Variants in AKAP6 observed in about 807,000 individuals in gnomAD.
AKAP6 encodes the protein A-kinase anchor protein 6.
Under a neutral mutation model 188.5 loss-of-function variants are expected in AKAP6, and 58 were observed. That is an observed-to-expected ratio of 0.31 (90% CI 0.25 to 0.38). AKAP6 has a LOEUF of 0.38. Among genes scored for constraint, AKAP6 ranks in the 10% least tolerant of loss-of-function variants. AKAP6 has a pLI of 1.00. For synonymous variants in AKAP6, 989 were observed against 998.6 expected (o/e 0.99, Z 0.18); for missense variants, 2,710 against 2,740.0 (o/e 0.99, Z 0.24).
intron 12 of AKAP6, among the ~76,000 whole-genome samples, chr14:32,777,236 A>C (rs1193559741): frequency 6.6e-6 from 1 of 152,206 alleles, no homozygotes; most frequent in Non-Finnish European, 1.5e-5. Context: ...ATTTATAGGA[A>C]TACAAATACC....
At chr14:32,595,364 T>C (rs1400992387) in intron 5 of AKAP6, among the ~76,000 whole-genome samples, 2 of 152,166 alleles carry the variant, frequency 1.3e-5, no homozygotes, top group African/African-American at 2.4e-5. Flanking sequence ...CTTCATGCTA[T>C]AATGTAGGAT....
At chr14:32,746,425 G>A (rs755587856) in intron 11 of AKAP6, among the ~76,000 whole-genome samples, 2 of 152,118 alleles carry the variant, frequency 1.3e-5, no homozygotes, top group Non-Finnish European at 2.9e-5. Context: ...TCAAGGTAGT[G>A]GGTTTCCTTC....
intron 12 of AKAP6, among the ~76,000 whole-genome samples, chr14:32,782,868 C>T (rs1177866359): frequency 6.6e-6 from 1 of 150,660 alleles, no homozygotes; most frequent in Non-Finnish European, 1.5e-5. Flanking sequence ...CAATGAAAAT[C>T]TCTGTGATTT....
chr14:32,352,864 A>G (rs974601338), intron 1 of AKAP6, among the ~76,000 whole-genome samples: 2 of 152,196 alleles, frequency 1.3e-5, no homozygotes, highest in African/African-American at 2.4e-5. Context: ...TAAACGTGGG[A>G]GTGCAGATGT....
intron 3 of AKAP6, among the ~76,000 whole-genome samples, chr14:32,537,838 A>G (rs1421131074): frequency 6.6e-6 from 1 of 152,258 alleles, no homozygotes; most frequent in Non-Finnish European, 1.5e-5. Flanking sequence ...GTAGTAGCTC[A>G]ATAAATGATG....
intron 2 of AKAP6, among the ~76,000 whole-genome samples, chr14:32,469,444 T>C (rs939392315): frequency 2.0e-5 from 3 of 152,216 alleles, no homozygotes; most frequent in African/African-American, 7.2e-5. Flanking sequence ...TTCTTGGTAG[T>C]AGAAAACTTT....
intron 2 of AKAP6, among the ~76,000 whole-genome samples, chr14:32,467,707 G>A (rs138278576): frequency 2.1e-4 from 32 of 152,024 alleles, no homozygotes; most frequent in African/African-American, 6.8e-4. Flanking sequence ...ACTCTTCCCT[G>A]TCCTCTGATC....
intron 2 of AKAP6, among the ~76,000 whole-genome samples, chr14:32,439,563 G>A (rs1890499821): frequency 1.3e-5 from 2 of 151,370 alleles, no homozygotes; most frequent in South Asian, 4.2e-4. Flanking sequence ...CAAAAGGGAA[G>A]GATTATTCTC....
At chr14:32,655,833 T>C (rs1300014242) in intron 7 of AKAP6, among the ~76,000 whole-genome samples, 1 of 152,164 alleles carries the variant, frequency 6.6e-6, no homozygotes. Context: ...AAGCGTTTTT[T>C]ACCAATCTAA....
intron 1 of AKAP6, among the ~76,000 whole-genome samples, chr14:32,351,295 G>A (rs1887258749): frequency 6.6e-6 from 1 of 152,158 alleles, no homozygotes; most frequent in Non-Finnish European, 1.5e-5. Context: ...AGGCATGGTG[G>A]CTCATGCCTG....
intron 12 of AKAP6, among the ~76,000 whole-genome samples, chr14:32,805,216 G>A (rs1161808051): frequency 3.3e-5 from 5 of 152,110 alleles, no homozygotes; most frequent in East Asian, 3.9e-4. Flanking sequence ...CCTCTGCCAC[G>A]GCTCCTGCCT....
chr14:32,641,125 GA>G (rs1887736150), intron 7 of AKAP6, among the ~76,000 whole-genome samples: 2 of 151,826 alleles, frequency 1.3e-5, no homozygotes, highest in Non-Finnish European at 2.9e-5. Flanking sequence ...TTTTTTCACT[GA>G]AAATGTTTTG....
At chr14:32,590,247 T>C (rs1264215228) in intron 5 of AKAP6, among the ~76,000 whole-genome samples, 1 of 148,708 alleles carries the variant, frequency 6.7e-6, no homozygotes, top group Non-Finnish European at 1.5e-5. Flanking sequence ...CCCTCAGCTG[T>C]TCTCTTGATG....
intron 3 of AKAP6, among the ~76,000 whole-genome samples, chr14:32,543,525 T>G (rs1379929967): frequency 6.6e-6 from 1 of 152,240 alleles, no homozygotes; most frequent in African/African-American, 2.4e-5. Context: ...AGATATCTCT[T>G]TGACATGCTG....
intron 12 of AKAP6, among the ~76,000 whole-genome samples, chr14:32,810,910 A>G (rs959956078): frequency 9.8e-5 from 15 of 152,316 alleles, no homozygotes; most frequent in African/African-American, 3.6e-4. Context: ...GCATGAGGAA[A>G]GCAAGACAAG....
At chr14:32,682,923 G>T (rs1042014097) in intron 8 of AKAP6, among the ~76,000 whole-genome samples, 6 of 152,002 alleles carry the variant, frequency 3.9e-5, no homozygotes, top group African/African-American at 1.5e-4. Flanking sequence ...GAACTAGAAA[G>T]TCTAGGGGTG....
Position 32,824,617 on chromosome 14 carries a change from T to C in AKAP6, c.6804T>C (p.His2268=), listed in dbSNP as rs2034627978. Residue 2268 remains histidine, a synonymous_variant, in exon 13 of 14, where the codon CAT becomes CAC. Transcript: ENST00000280979. ...KPGESGMPEE[H]NAASAKSKVQ... is the part of the protein sequence containing the mutation. ...GTGAATCTGGAATGCCAGAAGAACA[T>C]AATGCTGCTTCAGCCAAATCTAAAG... 6.2e-7 allele frequency: 1 copy of C among 1,613,788 alleles called. No individual in the cohort carries two copies. The highest frequency in any genetic ancestry group is 1.7e-5 in the Admixed American group (1 of 59,898).
intron 4 of AKAP6, among the ~76,000 whole-genome samples, chr14:32,559,591 G>A (rs555767156): frequency 2.0e-5 from 3 of 152,022 alleles, no homozygotes; most frequent in Non-Finnish European, 4.4e-5. Flanking sequence ...GTGGTATGCT[G>A]GGCACACCTC....
chr14:32,346,146 G>T (rs1207964318), intron 1 of AKAP6, among the ~76,000 whole-genome samples: 1 of 152,134 alleles, frequency 6.6e-6, no homozygotes, highest in African/African-American at 2.4e-5. Context: ...GGAGGGGCCT[G>T]GCAGTGCCCA....
Sources: allele counts gnomAD v4.1 joint callset (sites outside exome capture counted in the v4.1 genomes callset), GRCh38; gene constraint gnomAD v4.1.1; transcripts MANE v1.5; gene names NCBI Gene and HGNC (gene_info 2026-07-23, HGNC 2026-07-21).